IGF1R: variants seen among roughly 807,000 people sequenced by gnomAD.
The protein encoded by IGF1R is insulin-like growth factor 1 receptor.
A neutral mutation model predicts 144.6 loss-of-function variants in IGF1R; 44 were observed. The ratio of observed to expected loss-of-function variants is 0.30; its 90% CI spans 0.24 to 0.39. The LOEUF (loss-of-function observed/expected upper bound fraction) is 0.39, where lower values mean the gene tolerates loss of function less well. IGF1R is among the 10% of genes least tolerant of loss of function. The pLI is 1.00. For synonymous variants in IGF1R, 795 were observed against 722.8 expected, an observed-to-expected ratio of 1.10 and a Z score of -1.60; for missense variants, 1,355 against 1,833.7, an observed-to-expected ratio of 0.74 and a Z score of 4.77.
At chr15:98,920,744 G>T (rs1010893234) in intron 10 of IGF1R, among the ~76,000 whole-genome samples, 1 of 152,094 alleles carries the variant, frequency 6.6e-6, no homozygotes, top group African/African-American at 2.4e-5. Context: ...TTGTTGGAAC[G>T]AGCATATCTG....
intron 2 of IGF1R, among the ~76,000 whole-genome samples, chr15:98,861,184 A>C (rs1213410946): frequency 1.3e-5 from 2 of 152,182 alleles, no homozygotes; most frequent in East Asian, 3.9e-4. Flanking sequence ...AAATCTTCCA[A>C]ATGAATGCAC....
intron 2 of IGF1R, among the ~76,000 whole-genome samples, chr15:98,712,305 C>G (rs1356505997): frequency 2.6e-5 from 4 of 152,194 alleles, no homozygotes; most frequent in African/African-American, 9.7e-5. Flanking sequence ...TATCAGACCA[C>G]CACGAGCATT....
At chr15:98,755,504 G>A (rs1386413495) in intron 2 of IGF1R, among the ~76,000 whole-genome samples, 1 of 151,976 alleles carries the variant, frequency 6.6e-6, no homozygotes, top group Non-Finnish European at 1.5e-5. Context: ...AATTTGGGAG[G>A]CTGAAGTGGG....
intron 1 of IGF1R, among the ~76,000 whole-genome samples, chr15:98,672,127 A>G (rs921242287): frequency 2.0e-5 from 3 of 152,210 alleles, no homozygotes; most frequent in Non-Finnish European, 4.4e-5. Context: ...TTTAAAGGAC[A>G]TATTTGGGCA....
rs977341280 is a variant in IGF1R, at chr15:98,963,703, C to T, written c.*6261C>T. 11 of 233,194 alleles carry T rather than the reference C, an allele frequency of 4.7e-5. 1 individual carries two copies. The highest frequency in any genetic ancestry group is 2.5e-3 in the Middle Eastern group (2 of 786). 14.4% of individuals were successfully genotyped at this position (233,194 alleles called of 1,614,324 possible). A position where few individuals can be genotyped will look rare whatever the true frequency, so the allele number is the denominator to read the frequency against. On this transcript the variant is annotated 3_prime_UTR_variant, in exon 21 of 21. Coordinates refer to ENST00000650285, the MANE Select transcript of IGF1R (RefSeq NM_000875.5). ...ACACAGGCCATTTGCTTACATGCCT[C>T]GTATCATGACTGATTACTGCTTTGT...
intron 18 of IGF1R, among the ~76,000 whole-genome samples, chr15:98,942,335 T>C (rs1412273968): frequency 6.6e-6 from 1 of 152,132 alleles, no homozygotes; most frequent in Non-Finnish European, 1.5e-5. Flanking sequence ...GCTTCCTTTT[T>C]TCTTATTTTT....
chr15:98,792,716 T>G (rs1387681031), intron 2 of IGF1R, among the ~76,000 whole-genome samples: 1 of 152,202 alleles, frequency 6.6e-6, no homozygotes, highest in Non-Finnish European at 1.5e-5. Flanking sequence ...TTCTCTTACT[T>G]ATTGGCTGCT....
intron 2 of IGF1R, among the ~76,000 whole-genome samples, chr15:98,873,501 GGGCA>G (rs1441775753): frequency 6.6e-6 from 1 of 152,194 alleles, no homozygotes; most frequent in Admixed American, 6.5e-5. Context: ...ATTCTGCAGA[GGGCA>G]GTCATGTGTC....
intron 2 of IGF1R, among the ~76,000 whole-genome samples, chr15:98,743,502 A>G (rs1335310114): frequency 6.6e-6 from 1 of 152,228 alleles, no homozygotes; most frequent in Non-Finnish European, 1.5e-5. Flanking sequence ...AACAAATAGA[A>G]CATTGTATGT....
intron 2 of IGF1R, among the ~76,000 whole-genome samples, chr15:98,885,946 A>C (rs1034419490): frequency 4.0e-5 from 6 of 151,686 alleles, no homozygotes; most frequent in African/African-American, 1.5e-4. Context: ...CCTCCCAAGT[A>C]GCTGGGATCA....
At position 98,963,778 on chromosome 15, in the gene IGF1R, C is replaced by T. The variant is rs755705216; in HGVS notation, c.*6336C>T. The T allele has an allele frequency of 2.6e-5, 6 of 232,640 alleles. No individual in the cohort carries two copies. Among genetic ancestry groups the T allele is most frequent in the Non-Finnish European group, 3.4e-5 (4 of 117,724 alleles). The allele number at this position is 232,640 out of a possible 1,614,324, so 14.4% of individuals were successfully genotyped here. On this transcript the variant is annotated 3_prime_UTR_variant, in exon 21 of 21. Transcript: ENST00000650285. ...TATTTAAGGCAGAACCCCGAAGATA[C>T]GTATTTCCAATACAGAAAAGAATTT...
At chr15:98,740,601 A>C (rs1323820650) in intron 2 of IGF1R, among the ~76,000 whole-genome samples, 3 of 152,210 alleles carry the variant, frequency 2.0e-5, no homozygotes. Flanking sequence ...TTTGAGGGGG[A>C]AAAATACAGC....
rs1246607251 is a variant in IGF1R, at chr15:98,755,738, AAAAAAAAAAAAAAAAG to A, written c.640+47632_640+47647del. On this transcript the variant is annotated intron_variant, in intron 2 of 20. Transcript: ENST00000650285. Reference sequence around the variant, plus strand: ...CATTGCAAAAAAAAAAAAAAAAAAAAAAAAAAAAAAAAAAAGGCATTACTGCCTTGTTCCTGATTTA... The same window carrying A: ...CATTGCAAAAAAAAAAAAAAAAAAAAGCATTACTGCCTTGTTCCTGATTTA... Among the ~76,000 whole-genome samples the A allele has an allele frequency of 3.7e-3, 481 of 128,298 alleles. 5 individuals carry two copies. Among genetic ancestry groups the A allele is most frequent in the African/African-American group, 0.015 (448 of 29,090 alleles). The allele number at this position is 128,298 out of a possible 152,430, so 84.2% of individuals were successfully genotyped here.
intron 19 of IGF1R, among the ~76,000 whole-genome samples, chr15:98,945,329 G>A (rs896910641): frequency 1.3e-5 from 2 of 152,246 alleles, no homozygotes; most frequent in African/African-American, 4.8e-5. Flanking sequence ...ATTTGCTGGT[G>A]AGTGGGCCAT....
At chr15:98,868,359 G>GGTT (rs1555454791) in intron 2 of IGF1R, among the ~76,000 whole-genome samples, 1 of 78,234 alleles carries the variant, frequency 1.3e-5, no homozygotes, top group Non-Finnish European at 2.6e-5. Flanking sequence ...AATCTGTTGG[G>GGTT]TTTTTTTTTT....
At chr15:98,749,887 CTTTTT>C (rs57470280) in intron 2 of IGF1R, among the ~76,000 whole-genome samples, 1 of 138,146 alleles carries the variant, frequency 7.2e-6, no homozygotes, top group African/African-American at 2.7e-5. Flanking sequence ...TATTTTTAGG[CTTTTT>C]TTTTTTTTTT....
intron 2 of IGF1R, among the ~76,000 whole-genome samples, chr15:98,746,206 A>C (rs1450109367): frequency 6.6e-6 from 1 of 152,200 alleles, no homozygotes; most frequent in African/African-American, 2.4e-5. Context: ...GAAACCAAGT[A>C]ACTGAAAAAC....
intron 1 of IGF1R, among the ~76,000 whole-genome samples, chr15:98,664,609 T>TTGGAGGC (rs1259418706): frequency 6.7e-6 from 1 of 148,574 alleles, no homozygotes; most frequent in East Asian, 2.0e-4. Flanking sequence ...AGGTTGGAGG[T>TTGGAGGC]TGGAGGTTGG....
intron 2 of IGF1R, among the ~76,000 whole-genome samples, chr15:98,806,488 TA>T (rs1205165223): frequency 4.5e-4 from 65 of 144,156 alleles, no homozygotes; most frequent in African/African-American, 5.0e-4. Context: ...ATTTCTTGAT[TA>T]AAAAAAAAAA....
Sources: gnomAD v4.1 joint callset for allele counts (sites outside exome capture counted in the v4.1 genomes callset) on GRCh38, gnomAD v4.1.1 for gene constraint, MANE v1.5 for transcripts, NCBI Gene and HGNC (gene_info 2026-07-23, HGNC 2026-07-21) for gene names.